SLC22A7: variants seen among roughly 807,000 people sequenced by gnomAD.
SLC22A7 encodes solute carrier family 22 member 7, also known as hOAT2.
SLC22A7 carries 48 observed loss-of-function variants against 62.2 expected under a neutral mutation model. That is an observed-to-expected ratio of 0.77 (90% confidence interval 0.61 to 0.98). The LOEUF is 0.98. SLC22A7 is among the 50% of genes least tolerant of loss of function. SLC22A7 has a pLI of 0.00. For synonymous variants in SLC22A7, 276 were observed against 314.8 expected (o/e 0.88, Z 1.30); for missense variants, 581 against 703.8 (o/e 0.83, Z 1.97).
chr6:43,298,563 C>A lies in SLC22A7; in HGVS notation c.205C>A (p.Leu69Ile), dbSNP rs778014690. ...TCAGGATGTGTGGCTGGAGGCCCAT[C>A]TTCCCCGGGAGCCTGATGGCACGCT... is the stretch of plus-strand genomic sequence containing the variant. ...SHQDVWLEAH[L>I]PREPDGTLSS... Residue 69 changes from leucine (L) to isoleucine (I), a missense_variant, in exon 1 of 11, where the codon CTT becomes ATT. Coordinates refer to ENST00000372585, the MANE Select transcript of SLC22A7 (RefSeq NM_153320.2). The A allele has an allele frequency of 6.2e-7, 1 of 1,613,836 alleles. No homozygotes were observed. The highest frequency in any genetic ancestry group is 8.5e-7 in the Non-Finnish European group (1 of 1,179,934).
Position 43,302,608 on chromosome 6 carries a change from G to A in SLC22A7, c.1277-47G>A. ...TCCGCACCCTATCCAGAACACCCCTGGCTCTCCTCCAAGGCCCTCTCACTA... is the reference window on the plus strand; with the variant it reads ...TCCGCACCCTATCCAGAACACCCCTAGCTCTCCTCCAAGGCCCTCTCACTA... On this transcript the variant is annotated intron_variant, in intron 8 of 10. Transcript: ENST00000372585. The surrounding 1 kb of genome is among the most constrained non-coding windows in gnomAD (Gnocchi z 5.0). The A allele has an allele frequency of 7.0e-7, 1 of 1,424,214 alleles. No homozygotes were observed. Among genetic ancestry groups the A allele is most frequent in the Non-Finnish European group, 9.7e-7 (1 of 1,026,976 alleles). The allele number at this position is 1,424,214 out of a possible 1,614,324, so 88.2% of individuals were successfully genotyped here.
chr6:43,302,517 C>G lies in SLC22A7; in HGVS notation c.1276+103C>G, dbSNP rs2150735165. 8.2e-7 allele frequency: 1 copy of G among 1,217,650 alleles called. No individual in the cohort carries two copies. Among genetic ancestry groups the G allele is most frequent in the East Asian group, 2.6e-5 (1 of 39,000 alleles). The allele number at this position is 1,217,650 out of a possible 1,614,324, so 75.4% of individuals were successfully genotyped here. On this transcript the variant is annotated intron_variant, in intron 8 of 10. Transcript: ENST00000372585. This position sits in a 1 kb window ranked among gnomAD's most constrained non-coding sequence, Gnocchi z 5.0. Reference sequence around the variant, plus strand: ...CCTGGCCAAGAACCCACTCCTCCCCCAGATCCCTGCTCTTACCCAGTGAGC... The same window carrying G: ...CCTGGCCAAGAACCCACTCCTCCCCGAGATCCCTGCTCTTACCCAGTGAGC...
chr6:43,301,113 T>C (rs774381787), intron 5 of SLC22A7, 22 bp from the exon 6 acceptor site: 2 of 1,614,078 alleles, frequency 1.2e-6, no homozygotes, highest in Non-Finnish European at 1.7e-6. Context: ...TTCTGGCTGA[T>C]GGACCTTCTG....
chr6:43,301,782 G>A, intron 7 of SLC22A7, 90 bp downstream of exon 7: 2 of 865,938 alleles, frequency 2.3e-6, no homozygotes, highest in Non-Finnish European at 3.6e-6. Context: ...GGCTCTGAGG[G>A]ACAAGTAGAG....
At chr6:43,301,068 G>T (rs776460309) in intron 5 of SLC22A7, 67 bp from the exon 6 acceptor site, 122 of 1,599,554 alleles carry the variant, frequency 7.6e-5, no homozygotes, top group Non-Finnish European at 9.7e-5. Context: ...AGAGCCTGTA[G>T]TATGTCCAGG....
Position 43,302,860 on chromosome 6 carries a change from C to T in SLC22A7, c.1385+97C>T. ...ACACGCACCACAACCTGGTCTCTCA[C>T]TCATTTTTTTTTTAATTTTAATTTT... On this transcript the variant is annotated intron_variant, in intron 9 of 10. Transcript: ENST00000372585. The surrounding 1 kb of genome is among the most constrained non-coding windows in gnomAD (Gnocchi z 5.0). 1 of 831,420 alleles carries T rather than the reference C, an allele frequency of 1.2e-6. No individual in the cohort carries two copies. The allele number at this position is 831,420 out of a possible 1,614,324, so 51.5% of individuals were successfully genotyped here. A position where few individuals can be genotyped will look rare whatever the true frequency, so the allele number is the denominator to read the frequency against.
intron 9 of SLC22A7, 148 bp from the exon 10 acceptor site, chr6:43,303,890 A>C: frequency 1.6e-6 from 1 of 625,762 alleles, no homozygotes; most frequent in Middle Eastern, 4.6e-4. Flanking sequence ...GTGGGTGGGA[A>C]GACCAACTGA....
chr6:43,302,130 C>G lies in SLC22A7; in HGVS notation c.1062-70C>G, dbSNP rs1004990456. ...AGATTGCCCTTGTAAAATGCCAAGT[C>G]TTCCTGAGAAGAGAGGCCAAAGAGG... On this transcript the variant is annotated intron_variant, in intron 7 of 10. Transcript: ENST00000372585. This position sits in a 1 kb window ranked among gnomAD's most constrained non-coding sequence, Gnocchi z 5.0. 1 of 1,383,698 alleles carries G rather than the reference C, an allele frequency of 7.2e-7. No homozygotes were observed. The allele number at this position is 1,383,698 out of a possible 1,614,324, so 85.7% of individuals were successfully genotyped here. A position where few individuals can be genotyped will look rare whatever the true frequency, so the allele number is the denominator to read the frequency against.
In SLC22A7 at chr6:43,304,162, C is replaced by T. The variant is rs766480345; in HGVS notation, c.1510C>T (p.Leu504=). 5.6e-6 allele frequency: 9 copies of T among 1,603,904 alleles called. No homozygotes were observed. The highest frequency in any genetic ancestry group is 7.7e-6 in the Non-Finnish European group (9 of 1,173,826). ...GCTTACTTATGGGGGGATCGCCCTG[C>T]TGGCTGCCGGCACCGCCCTCCTGCT... ...PKLTYGGIAL[L]AAGTALLLPE... The change falls in exon 10 of 11, where the codon CTG becomes TTG. Residue 504 remains leucine, a synonymous_variant. Coordinates refer to ENST00000372585, the MANE Select transcript of SLC22A7 (RefSeq NM_153320.2).
Position 43,300,212 on chromosome 6 carries a change from A to G in SLC22A7, c.827+146A>G, listed in dbSNP as rs1381602207. On this transcript the variant is annotated intron_variant, in intron 5 of 10. Coordinates refer to ENST00000372585, the MANE Select transcript of SLC22A7 (RefSeq NM_153320.2). ...AAGAGACAGAAAGAGACACAGAGAA[A>G]AAGAGACAGAGAGACAGAGATCAAC... The G allele has an allele frequency of 9.9e-6, 8 of 808,416 alleles. No homozygotes were observed. In the East Asian group the frequency reaches 2.1e-4, roughly 22 times the overall value. The allele number at this position is 808,416 out of a possible 1,614,324, so 50.1% of individuals were successfully genotyped here. A position where few individuals can be genotyped will look rare whatever the true frequency, so the allele number is the denominator to read the frequency against.
At chr6:43,300,317 A>C in intron 5 of SLC22A7, 2 of 536,594 alleles carry the variant, frequency 3.7e-6, no homozygotes, top group African/African-American at 1.9e-5. Context: ...CCAAACATAA[A>C]TTGAGGCTGG....
upstream of SLC22A7, chr6:43,298,047 C>T (rs1460911208): frequency 3.3e-6 from 1 of 301,196 alleles, no homozygotes; most frequent in East Asian, 5.9e-5. Context: ...TATGCCATCA[C>T]CCAGCTACCT....
At chr6:43,297,626 T>G (rs1778589727), upstream of SLC22A7, among the ~76,000 whole-genome samples, 1 of 151,922 alleles carries the variant, frequency 6.6e-6, no homozygotes, top group African/African-American at 2.4e-5. Flanking sequence ...CTCCAAAAGG[T>G]AATTTAGGAA....
At chr6:43,296,925 G>C (rs1393434651), upstream of SLC22A7, among the ~76,000 whole-genome samples, 2 of 152,150 alleles carry the variant, frequency 1.3e-5, no homozygotes, top group African/African-American at 4.8e-5. Flanking sequence ...GGTGAGACTG[G>C]AGACAGGGAG....
Position 43,299,459 on chromosome 6 carries a change from G to A in SLC22A7, c.469G>A (p.Val157Met), listed in dbSNP as rs778414268. Residue 157 changes from valine to methionine, a missense_variant, in exon 3 of 11, where the codon GTG (valine) becomes ATG (methionine). Coordinates refer to ENST00000372585, the MANE Select transcript of SLC22A7 (RefSeq NM_153320.2). This position sits in a 1 kb window ranked among gnomAD's most constrained non-coding sequence, Gnocchi z 4.4. ...ASTFFFAGVLVGAVAFGYLSD... is the reference protein window; with the variant it reads ...ASTFFFAGVLMGAVAFGYLSD... ...CACTTTCTTCTTCGCCGGTGTGCTG[G>A]TGGGGGCTGTGGCCTTTGGATATCT... The A allele has an allele frequency of 2.5e-5, 40 of 1,613,816 alleles. No homozygotes were observed. The highest frequency in any genetic ancestry group is 1.7e-4 in the Middle Eastern group (1 of 6,058).
upstream of SLC22A7, among the ~76,000 whole-genome samples, chr6:43,296,841 A>G (rs1778573846): frequency 6.6e-6 from 1 of 152,114 alleles, no homozygotes; most frequent in African/African-American, 2.4e-5. Context: ...AAGGGTTTTA[A>G]ACAGGGATGT....
At position 43,299,193 on chromosome 6, in the gene SLC22A7, G is replaced by A; in HGVS notation, c.399+96G>A. 15 of 1,614,146 alleles carry A rather than the reference G, an allele frequency of 9.3e-6. No individual in the cohort carries two copies. The highest frequency in any genetic ancestry group is 1.3e-5 in the Non-Finnish European group (15 of 1,180,010). ...GAGGCCTTCCTTGGGAAGAAGCTGA[G>A]GCTGCAGGACTGGGGAGGGACAAAG... is the stretch of plus-strand genomic sequence containing the variant. On this transcript the variant is annotated intron_variant, in intron 2 of 10. Coordinates refer to ENST00000372585, the MANE Select transcript of SLC22A7 (RefSeq NM_153320.2). This position sits in a 1 kb window ranked among gnomAD's most constrained non-coding sequence, Gnocchi z 4.4.
chr6:43,298,262 T>G lies in SLC22A7; in HGVS notation c.-97T>G, dbSNP rs1778602490. On this transcript the variant is annotated 5_prime_UTR_variant, in exon 1 of 11. Transcript: ENST00000372585. ...GCTGCAGGCTCTCCAGTCCATCCAC[T>G]CCCACCTCCAGAGTCCAAGGGTCTA... is the stretch of plus-strand genomic sequence containing the variant. 3.6e-6 allele frequency: 4 copies of G among 1,109,018 alleles called. No individual in the cohort carries two copies. The South Asian group carries it at 4.8e-5, about 13-fold the overall frequency. 68.7% of individuals were successfully genotyped at this position (1,109,018 alleles called of 1,614,324 possible).
rs533308874 is a variant in SLC22A7, at chr6:43,302,443, C to G, written c.1276+29C>G. 4 of 1,502,122 alleles carry G rather than the reference C, an allele frequency of 2.7e-6. No individual in the cohort carries two copies. The African/African-American group carries it at 5.5e-5, about 21-fold the overall frequency. The allele number at this position is 1,502,122 out of a possible 1,614,324, so 93.0% of individuals were successfully genotyped here. Reference sequence around the variant, plus strand: ...AGCCCAGTCCCATAGGTTCTGCCCACCCCAGAAGCCGGGCCAGGAACCCTG... The same window carrying G: ...AGCCCAGTCCCATAGGTTCTGCCCAGCCCAGAAGCCGGGCCAGGAACCCTG... On this transcript the variant is annotated intron_variant, in intron 8 of 10. Transcript: ENST00000372585. The surrounding 1 kb of genome is among the most constrained non-coding windows in gnomAD (Gnocchi z 5.0).
Sources: gnomAD v4.1 joint callset for allele counts (sites outside exome capture counted in the v4.1 genomes callset) on GRCh38, gnomAD v4.1.1 for gene constraint, Gnocchi (gnomAD v3.1) non-coding constraint, MANE v1.5 for transcripts, NCBI Gene and HGNC (gene_info 2026-07-23, HGNC 2026-07-21) for gene names.